RBFOX1: variants seen among roughly 807,000 people sequenced by gnomAD.
The protein encoded by RBFOX1 is RNA binding fox-1 homolog 1.
In RBFOX1, 8 loss-of-function variants were observed where a neutral mutation model predicts 57.7. The ratio of observed to expected loss-of-function variants is 0.14; its 90% CI spans 0.08 to 0.25. The LOEUF (loss-of-function observed/expected upper bound fraction) is 0.25. Among genes scored for constraint, RBFOX1 ranks in the 10% least tolerant of loss-of-function variants. The pLI, the probability that RBFOX1 is intolerant of heterozygous loss-of-function variation, is 1.00. For missense variants in RBFOX1, 611 were observed against 548.5 expected, an observed-to-expected ratio of 1.11 and a Z score of -1.14; for synonymous variants, 326 against 222.4, an observed-to-expected ratio of 1.47 and a Z score of -4.15.
At chr16:6,850,154 C>G (rs909774203) in intron 3 of RBFOX1, among the ~76,000 whole-genome samples, 1 of 152,128 alleles carries the variant, frequency 6.6e-6, no homozygotes, top group Non-Finnish European at 1.5e-5. Context: ...CCTAGGGTTC[C>G]TTTCCCTTTA....
In RBFOX1 at chr16:6,374,070, A is replaced by G. The variant is rs76315828; in HGVS notation, c.-64+57013A>G. Among the ~76,000 whole-genome samples, 60 of 152,344 alleles carry G rather than the reference A, an allele frequency of 3.9e-4. No individual in the cohort carries two copies. In the East Asian group the frequency reaches 0.011, roughly 28 times the overall value. On this transcript the variant is annotated intron_variant, in intron 2 of 15. Transcript: ENST00000550418. ...AAGTCAGTTAGAAAACCACAGCAAC[A>G]TAATATCTGCCCTATTTACCTTTTA...
At chr16:7,281,456 C>G (rs753947369) in intron 4 of RBFOX1, among the ~76,000 whole-genome samples, 1 of 152,070 alleles carries the variant, frequency 6.6e-6, no homozygotes, top group Non-Finnish European at 1.5e-5. Flanking sequence ...CTATAAAACA[C>G]AGATAGTTCT....
chr16:6,562,953 C>G (rs1173370615), intron 2 of RBFOX1, among the ~76,000 whole-genome samples: 3 of 141,780 alleles, frequency 2.1e-5, no homozygotes, highest in Admixed American at 7.5e-5. Context: ...TCCCACAGCC[C>G]TTTCCTGGGT....
chr16:6,020,105 C>G (rs1349491296), intron 1 of RBFOX1, 113 bp downstream of exon 1: 3 of 1,202,586 alleles, frequency 2.5e-6, no homozygotes, highest in Non-Finnish European at 2.2e-6. Context: ...CCTCCTAGCG[C>G]CAGTCTGGGC....
intron 1 of RBFOX1, among the ~76,000 whole-genome samples, chr16:5,254,021 T>G (rs4786656): frequency 0.35 from 53,967 of 152,024 alleles, 10,227 homozygotes; most frequent in South Asian, 0.44. Flanking sequence ...TACTTCTGTG[T>G]GTGTCATCCT....
At chr16:5,913,616 G>A (rs2058649006) in intron 4 of RBFOX1, among the ~76,000 whole-genome samples, 1 of 152,184 alleles carries the variant, frequency 6.6e-6, no homozygotes, top group Admixed American at 6.5e-5. Flanking sequence ...GAAGAACTGT[G>A]AGCCAAGTAA....
chr16:5,997,766 C>T (rs550877955), intron 4 of RBFOX1, among the ~76,000 whole-genome samples: 1 of 152,222 alleles, frequency 6.6e-6, no homozygotes, highest in Admixed American at 6.5e-5. Flanking sequence ...AAATCTCACT[C>T]AACTAGGAGA....
At chr16:6,776,974 C>T (rs914545173) in intron 3 of RBFOX1, among the ~76,000 whole-genome samples, 7 of 152,202 alleles carry the variant, frequency 4.6e-5, no homozygotes, top group South Asian at 2.1e-4. Context: ...AATTTATTTA[C>T]GTGATTTTGA....
At chr16:7,254,306 C>G (rs569306666) in intron 4 of RBFOX1, among the ~76,000 whole-genome samples, 1 of 152,074 alleles carries the variant, frequency 6.6e-6, no homozygotes, top group Non-Finnish European at 1.5e-5. Flanking sequence ...GCCTTTAGCC[C>G]TTTTCTTGGA....
rs148367242 is a variant in RBFOX1 at position 6,811,762 on chromosome 16, G to C, written c.-16+157112G>C. ...AAATTAGCTGGGCGTGGTAGTGCAC[G>C]CCTGTAATCCCAACTACTGGGGAGG... On this transcript the variant is annotated intron_variant, in intron 3 of 15. Transcript: ENST00000550418. Among the ~76,000 whole-genome samples, 341 of 152,264 alleles carry C rather than the reference G, an allele frequency of 2.2e-3. 3 individuals are homozygous for C. The highest frequency in any genetic ancestry group is 7.7e-3 in the African/African-American group (321 of 41,550).
chr16:7,225,355 G>T (rs960521191), intron 4 of RBFOX1, among the ~76,000 whole-genome samples: 24 of 152,108 alleles, frequency 1.6e-4, no homozygotes, highest in Admixed American at 1.6e-3. Context: ...CCTCATGGTA[G>T]TAAGTTTCAT....
At chr16:6,472,424 C>T (rs1291178363) in intron 2 of RBFOX1, among the ~76,000 whole-genome samples, 1 of 152,138 alleles carries the variant, frequency 6.6e-6, no homozygotes, top group African/African-American at 2.4e-5. Flanking sequence ...GAGATGTTGA[C>T]CCTATTTCTG....
intron 3 of RBFOX1, among the ~76,000 whole-genome samples, chr16:5,651,326 C>A (rs756977140): frequency 1.3e-5 from 2 of 152,000 alleles, no homozygotes; most frequent in Non-Finnish European, 2.9e-5. Flanking sequence ...GTGCTGGGAT[C>A]ACAGGAGTGA....
At chr16:6,883,001 T>C (rs1259666439) in intron 3 of RBFOX1, among the ~76,000 whole-genome samples, 1 of 152,312 alleles carries the variant, frequency 6.6e-6, no homozygotes, top group Non-Finnish European at 1.5e-5. Flanking sequence ...TTGTGAATTG[T>C]TAAGTCCAAT....
chr16:7,159,839 T>C (rs2077924867), intron 4 of RBFOX1, among the ~76,000 whole-genome samples: 1 of 152,224 alleles, frequency 6.6e-6, no homozygotes, highest in South Asian at 2.1e-4. Context: ...GTAGTTTGCA[T>C]ACTTGGAATG....
chr16:6,673,927 C>G (rs556230720), intron 3 of RBFOX1, among the ~76,000 whole-genome samples: 7 of 151,996 alleles, frequency 4.6e-5, no homozygotes, highest in Non-Finnish European at 8.8e-5. Flanking sequence ...GAAAGACTGG[C>G]CAGGTGGAAT....
chr16:6,464,257 C>CA (rs911843624), intron 2 of RBFOX1, among the ~76,000 whole-genome samples: 42 of 151,746 alleles, frequency 2.8e-4, no homozygotes, highest in East Asian at 1.2e-3. Flanking sequence ...GTGAGTAAAA[C>CA]AAAAAAAATC....
intron 3 of RBFOX1, among the ~76,000 whole-genome samples, chr16:5,605,693 G>A (rs1817474732): frequency 1.3e-5 from 2 of 151,684 alleles, no homozygotes; most frequent in Non-Finnish European, 2.9e-5. Flanking sequence ...TCCTTGATGA[G>A]TAATGTCTAC....
intron 3 of RBFOX1, among the ~76,000 whole-genome samples, chr16:5,800,065 A>T (rs2055009460): frequency 6.6e-6 from 1 of 152,028 alleles, no homozygotes; most frequent in Admixed American, 6.6e-5. Context: ...GTATAAGTAT[A>T]TACATATACA....
Sources: allele counts gnomAD v4.1 joint callset (sites outside exome capture counted in the v4.1 genomes callset), GRCh38; gene constraint gnomAD v4.1.1; transcripts MANE v1.5; gene names NCBI Gene and HGNC (gene_info 2026-07-23, HGNC 2026-07-21).